ELP4: variants seen among roughly 807,000 people sequenced by gnomAD.
ELP4 encodes the protein elongator complex protein 4.
In ELP4, 51 loss-of-function variants were observed where a neutral mutation model predicts 48.9. The observed-to-expected ratio is 1.04, with a 90% CI of 0.83 to 1.32. The LOEUF (loss-of-function observed/expected upper bound fraction) is 1.32, where lower values mean the gene tolerates loss of function less well. ELP4 is among the 40% of genes most tolerant of loss of function. The probability of loss-of-function intolerance (pLI) is 0.00; values close to 1 mark genes in which losing one functional copy is unlikely to be tolerated. For missense variants in ELP4, 519 were observed against 514.6 expected (o/e 1.01, Z -0.08); for synonymous variants, 210 against 189.2 (o/e 1.11, Z -0.90).
chr11:31,529,783 G>A (rs1054956873), intron 2 of ELP4, among the ~76,000 whole-genome samples: 1 of 152,132 alleles, frequency 6.6e-6, no homozygotes, highest in Non-Finnish European at 1.5e-5. Flanking sequence ...AGAGACTGAG[G>A]ATGAATTAGT....
Position 31,790,077 on chromosome 11 carries a change from A to G in ELP4, c.*6553A>G. 2.2e-6 allele frequency: 2 copies of G among 919,434 alleles called. No homozygotes were observed. Among genetic ancestry groups the G allele is most frequent in the Admixed American group, 2.0e-5 (1 of 49,292 alleles). The allele number at this position is 919,434 out of a possible 1,614,324, so 57.0% of individuals were successfully genotyped here. A position where few individuals can be genotyped will look rare whatever the true frequency, so the allele number is the denominator to read the frequency against. On this transcript the variant is annotated 3_prime_UTR_variant, in exon 10 of 10. Transcript: ENST00000640961. ...TATTCCCTTTGAGAAACAGACATGG[A>G]ATACAAATTTATAGGTTTACAAAAA...
chr11:31,704,996 C>A (rs1207272558), intron 9 of ELP4, among the ~76,000 whole-genome samples: 5 of 147,520 alleles, frequency 3.4e-5, no homozygotes, highest in Admixed American at 6.8e-5. Context: ...GGGAACAGAG[C>A]GAGACTCCAT....
intron 9 of ELP4, among the ~76,000 whole-genome samples, chr11:31,761,698 T>G (rs1947949792): frequency 6.6e-6 from 1 of 152,218 alleles, no homozygotes; most frequent in Admixed American, 6.5e-5. Flanking sequence ...GGCAAATGAT[T>G]TATTAAGCTA....
In ELP4 at chr11:31,702,304, A is replaced by T. The variant is rs977746108; in HGVS notation, c.1143+52083A>T. Reference sequence around the variant, plus strand: ...GGCAACAGAGCGAGATCTTGTCTCTAAAAATAATAATAATAACAATAACAA... The same window carrying T: ...GGCAACAGAGCGAGATCTTGTCTCTTAAAATAATAATAATAACAATAACAA... On this transcript the variant is annotated intron_variant, in intron 9 of 9. Coordinates refer to ENST00000640961, the MANE Select transcript of ELP4 (RefSeq NM_019040.5). Among the ~76,000 whole-genome samples the T allele has an allele frequency of 2.9e-5, 3 of 103,856 alleles. No individual in the cohort carries two copies. The East Asian group carries it at 8.3e-4, about 29-fold the overall frequency. The allele number at this position is 103,856 out of a possible 152,430, so 68.1% of individuals were successfully genotyped here. A position where few individuals can be genotyped will look rare whatever the true frequency, so the allele number is the denominator to read the frequency against.
At chr11:31,734,861 T>C (rs1947271806) in intron 9 of ELP4, among the ~76,000 whole-genome samples, 1 of 152,054 alleles carries the variant, frequency 6.6e-6, no homozygotes, top group Non-Finnish European at 1.5e-5. Flanking sequence ...TAGAAAAATC[T>C]AAAATTCATA....
At position 31,790,162 on chromosome 11, in the gene ELP4, A is replaced by G; in HGVS notation, c.*6638A>G. The G allele has an allele frequency of 1.5e-6, 1 of 665,708 alleles. No homozygotes were observed. The highest frequency in any genetic ancestry group is 2.0e-5 in the South Asian group (1 of 50,510). 41.2% of individuals were successfully genotyped at this position (665,708 alleles called of 1,614,324 possible). A position where few individuals can be genotyped will look rare whatever the true frequency, so the allele number is the denominator to read the frequency against. Reference sequence around the variant, plus strand: ...TTTTTTACTGTATTAAAATCACTTCAATTGTTACAAATAAAAGTAGCACCT... The same window carrying G: ...TTTTTTACTGTATTAAAATCACTTCGATTGTTACAAATAAAAGTAGCACCT... On this transcript the variant is annotated 3_prime_UTR_variant, in exon 10 of 10. Coordinates refer to ENST00000640961, the MANE Select transcript of ELP4 (RefSeq NM_019040.5).
chr11:31,638,436 T>A (rs978630729), intron 7 of ELP4, among the ~76,000 whole-genome samples: 3 of 151,868 alleles, frequency 2.0e-5, no homozygotes, highest in Admixed American at 1.3e-4. Flanking sequence ...TTTTGTCATA[T>A]ACCCACTGTT....
intron 3 of ELP4, among the ~76,000 whole-genome samples, chr11:31,557,683 C>G (rs1043146918): frequency 6.6e-6 from 1 of 151,814 alleles, no homozygotes; most frequent in East Asian, 1.9e-4. Flanking sequence ...AAGTAATAAC[C>G]CTTAATTGAC....
At chr11:31,685,123 C>T (rs1946133515) in intron 9 of ELP4, among the ~76,000 whole-genome samples, 2 of 151,638 alleles carry the variant, frequency 1.3e-5, no homozygotes, top group African/African-American at 2.4e-5. Flanking sequence ...GAGGCCAAGG[C>T]GGGTGGATCA....
chr11:31,694,081 G>A (rs1402500990), intron 9 of ELP4, among the ~76,000 whole-genome samples: 1 of 152,116 alleles, frequency 6.6e-6, no homozygotes, highest in Non-Finnish European at 1.5e-5. Flanking sequence ...CAGATGAGTA[G>A]ATTGCAAAAA....
intron 9 of ELP4, among the ~76,000 whole-genome samples, chr11:31,731,480 C>G (rs192573377): frequency 2.6e-5 from 4 of 151,682 alleles, no homozygotes; most frequent in Non-Finnish European, 2.9e-5. Context: ...AACTTGAAGA[C>G]AGATCATTTG....
intron 1 of ELP4, among the ~76,000 whole-genome samples, chr11:31,519,656 C>T (rs1338006344): frequency 1.3e-5 from 2 of 152,058 alleles, no homozygotes; most frequent in African/African-American, 4.8e-5. Context: ...AAAACTCCAT[C>T]TCTGCTAAAA....
chr11:31,616,644 A>C (rs1195949979), intron 5 of ELP4, among the ~76,000 whole-genome samples: 1 of 152,112 alleles, frequency 6.6e-6, no homozygotes, highest in Non-Finnish European at 1.5e-5. Context: ...AACGTAAGAA[A>C]TGGTAAAAAA....
At chr11:31,614,805 C>T (rs1256841846) in intron 5 of ELP4, among the ~76,000 whole-genome samples, 5 of 152,172 alleles carry the variant, frequency 3.3e-5, no homozygotes, top group Non-Finnish European at 7.4e-5. Flanking sequence ...TTCTACCAAA[C>T]ATCTGGACTA....
chr11:31,569,807 A>G (rs1957166510), intron 3 of ELP4, among the ~76,000 whole-genome samples: 1 of 152,228 alleles, frequency 6.6e-6, no homozygotes, highest in Non-Finnish European at 1.5e-5. Flanking sequence ...ACAAGTCAGT[A>G]TCACAATGAG....
intron 9 of ELP4, among the ~76,000 whole-genome samples, chr11:31,679,329 G>C (rs1946008023): frequency 6.6e-6 from 1 of 152,180 alleles, no homozygotes; most frequent in South Asian, 2.1e-4. Context: ...AAGTCGGGCA[G>C]TATATTAGTT....
At chr11:31,746,773 G>T (rs1054326579) in intron 9 of ELP4, among the ~76,000 whole-genome samples, 2 of 152,082 alleles carry the variant, frequency 1.3e-5, no homozygotes, top group Non-Finnish European at 2.9e-5. Flanking sequence ...AGCATTAGGA[G>T]ATATACCTAA....
chr11:31,561,658 G>A (rs999161062), intron 3 of ELP4, among the ~76,000 whole-genome samples: 10 of 152,062 alleles, frequency 6.6e-5, no homozygotes, highest in African/African-American at 2.4e-4. Flanking sequence ...TGGCCTGGCT[G>A]GTTTTGAACT....
chr11:31,569,827 C>T (rs1163894968), intron 3 of ELP4, among the ~76,000 whole-genome samples: 1 of 152,202 alleles, frequency 6.6e-6, no homozygotes, highest in African/African-American at 2.4e-5. Context: ...GATATCATCT[C>T]ACACCAGTCA....
Sources: allele counts gnomAD v4.1 joint callset (sites outside exome capture counted in the v4.1 genomes callset), GRCh38; gene constraint gnomAD v4.1.1; transcripts MANE v1.5; gene names NCBI Gene and HGNC (gene_info 2026-07-23, HGNC 2026-07-21).